GPR137B: variants seen among roughly 807,000 people sequenced by gnomAD.
GPR137B encodes G protein-coupled receptor 137B, also known as integral membrane protein GPR137B.
Under a neutral mutation model 42.5 loss-of-function variants are expected in GPR137B, and 42 were observed. That is an observed-to-expected ratio of 0.99 (90% CI 0.77 to 1.28). The LOEUF is 1.28. Among genes scored for constraint, GPR137B ranks in the 50% most tolerant of loss-of-function variants. The probability of loss-of-function intolerance (pLI) is 0.00; values close to 1 mark genes in which losing one functional copy is unlikely to be tolerated. For synonymous variants in GPR137B, 218 were observed against 209.7 expected (o/e 1.04, Z -0.34); for missense variants, 487 against 493.9 (o/e 0.99, Z 0.13).
At chr1:236,196,370 C>G (rs1420059539) in intron 5 of GPR137B, among the ~76,000 whole-genome samples, 1 of 152,122 alleles carries the variant, frequency 6.6e-6, no homozygotes, top group African/African-American at 2.4e-5. Flanking sequence ...GAACTCCTGA[C>G]CTCAAGTCAT....
rs191535602 is a variant in GPR137B at position 236,207,209 on chromosome 1, T to C, written c.1092-841T>C. 1.4e-3 allele frequency: 1,361 copies of C among 985,070 alleles called. 3 individuals are homozygous for C. The highest frequency in any genetic ancestry group is 1.3e-3 in the Non-Finnish European group (1,064 of 829,686). 61.0% of individuals were successfully genotyped at this position (985,070 alleles called of 1,614,324 possible). ...GGGGAGCAGAGAAATCCTGGTCAGATAGGATAAAAGATTGTCGCTGAGAAA... is the reference window on the plus strand; with the variant it reads ...GGGGAGCAGAGAAATCCTGGTCAGACAGGATAAAAGATTGTCGCTGAGAAA... On this transcript the variant is annotated intron_variant, in intron 6 of 6. Coordinates refer to ENST00000366592, the MANE Select transcript of GPR137B (RefSeq NM_003272.4).
At chr1:236,178,829 ACT>A (rs1303381712) in intron 3 of GPR137B, among the ~76,000 whole-genome samples, 193 bp downstream of exon 3, 2 of 44,784 alleles carry the variant, frequency 4.5e-5, no homozygotes, top group African/African-American at 5.6e-5. Context: ...ACGGAGTCTC[ACT>A]CTGTCTCCCA....
At position 236,171,389 on chromosome 1, in the gene GPR137B, G is replaced by A. The variant is rs1345808667; in HGVS notation, c.464+2634G>A. Among the ~76,000 whole-genome samples, 1 of 152,198 alleles carries A rather than the reference G, an allele frequency of 6.6e-6. No homozygotes were observed. Among genetic ancestry groups the A allele is most frequent in the African/African-American group, 2.4e-5 (1 of 41,446 alleles). The stretch of plus-strand genomic sequence containing the variant: ...GCCCTGCATCCCCCCAGCCAGAAAT[G>A]TAGGTCAAAGCATGAGTGAAGATGG... On this transcript the variant is annotated intron_variant, in intron 2 of 6. Transcript: ENST00000366592. This position sits in a 1 kb window ranked among gnomAD's most constrained non-coding sequence, Gnocchi z 4.4.
At chr1:236,194,930 A>G (rs148986764) in intron 5 of GPR137B, among the ~76,000 whole-genome samples, 2 of 152,306 alleles carry the variant, frequency 1.3e-5, no homozygotes, top group East Asian at 1.9e-4. Context: ...AAATTGAACT[A>G]TCTACTTTAT....
intron 3 of GPR137B, 88 bp downstream of exon 3, chr1:236,178,724 T>TAG: frequency 2.4e-6 from 2 of 836,186 alleles, no homozygotes; most frequent in Non-Finnish European, 4.0e-6. Context: ...TGATGAATTT[T>TAG]AGACTTGATT....
chr1:236,178,820 C>T (rs544026641), intron 3 of GPR137B, among the ~76,000 whole-genome samples, 184 bp downstream of exon 3: 143 of 7,040 alleles, frequency 0.02, 2 homozygotes, highest in African/African-American at 0.023. Context: ...TTTTTTGAGA[C>T]GGAGTCTCAC....
At chr1:236,192,605 C>A (rs12090028) in intron 5 of GPR137B, among the ~76,000 whole-genome samples, 1 of 152,174 alleles carries the variant, frequency 6.6e-6, no homozygotes, top group South Asian at 2.1e-4. Flanking sequence ...AATTCCCTGA[C>A]TCCTTGCACT....
intron 1 of GPR137B, among the ~76,000 whole-genome samples, chr1:236,161,498 C>CGCCTCCCACTCACATCTCCTCAT (rs1558482088): frequency 6.6e-6 from 1 of 151,072 alleles, no homozygotes; most frequent in African/African-American, 2.5e-5. Context: ...CACCTCCTCA[C>CGCCTCCCACTCACATCTCCTCAT]GCCTCCCACT....
chr1:236,168,844 G>A (rs915640609), intron 2 of GPR137B, 89 bp downstream of exon 2: 1 of 978,500 alleles, frequency 1.0e-6, no homozygotes. Flanking sequence ...TGCACACATC[G>A]CTGTTCTGTG....
intron 1 of GPR137B, among the ~76,000 whole-genome samples, chr1:236,152,228 G>A (rs1460282291): frequency 6.6e-6 from 1 of 151,980 alleles, no homozygotes; most frequent in Non-Finnish European, 1.5e-5. Context: ...TTGGGAGGAC[G>A]AGGCAGGAGG....
At chr1:236,158,399 A>G (rs1050999086) in intron 1 of GPR137B, among the ~76,000 whole-genome samples, 1 of 152,210 alleles carries the variant, frequency 6.6e-6, no homozygotes, top group African/African-American at 2.4e-5. Context: ...GCTCCAGCCT[A>G]GGCAACAAAA....
intron 3 of GPR137B, among the ~76,000 whole-genome samples, chr1:236,179,315 G>A (rs1056553141): frequency 1.3e-5 from 2 of 152,152 alleles, no homozygotes; most frequent in Non-Finnish European, 2.9e-5. Flanking sequence ...TTTGAGCCAG[G>A]GGTCTTTTAA....
intron 5 of GPR137B, among the ~76,000 whole-genome samples, chr1:236,186,247 A>AAT (rs1558491363): frequency 2.2e-3 from 74 of 34,164 alleles, no homozygotes; most frequent in Non-Finnish European, 3.5e-3. Context: ...TAATATAAAT[A>AAT]ATATATAATA....
chr1:236,177,886 G>A (rs554721180), intron 2 of GPR137B, among the ~76,000 whole-genome samples: 12 of 151,684 alleles, frequency 7.9e-5, no homozygotes, highest in Admixed American at 3.3e-4. Flanking sequence ...ATAAGTGAGC[G>A]CTCTCTGGAC....
intron 1 of GPR137B, among the ~76,000 whole-genome samples, chr1:236,145,846 G>T (rs1661667350): frequency 6.6e-6 from 1 of 152,178 alleles, no homozygotes; most frequent in African/African-American, 2.4e-5. Flanking sequence ...GTCTGAGTGT[G>T]AGGTTTGTCT....
chr1:236,149,753 C>T (rs1661790126), intron 1 of GPR137B, among the ~76,000 whole-genome samples: 2 of 152,262 alleles, frequency 1.3e-5, no homozygotes, highest in African/African-American at 4.8e-5. Context: ...CCTCTGGGCC[C>T]TGCGCCCATG....
intron 5 of GPR137B, among the ~76,000 whole-genome samples, chr1:236,185,624 C>T (rs1017612037): frequency 1.3e-5 from 2 of 152,220 alleles, no homozygotes; most frequent in Non-Finnish European, 2.9e-5. Flanking sequence ...GGCACGATCA[C>T]AGCTCACCTC....
chr1:236,180,508 C>T (rs1025215557), intron 4 of GPR137B, among the ~76,000 whole-genome samples: 1 of 152,142 alleles, frequency 6.6e-6, no homozygotes, highest in Non-Finnish European at 1.5e-5. Context: ...GATCACAGCA[C>T]CTGCCTTGTT....
intron 1 of GPR137B, among the ~76,000 whole-genome samples, chr1:236,144,772 C>T (rs1473127606): frequency 6.6e-6 from 1 of 152,246 alleles, no homozygotes; most frequent in Non-Finnish European, 1.5e-5. Flanking sequence ...ACCCTAAGAA[C>T]TGTGACAATG....
Sources: allele counts gnomAD v4.1 joint callset (sites outside exome capture counted in the v4.1 genomes callset), GRCh38; gene constraint gnomAD v4.1.1; non-coding constraint Gnocchi (gnomAD v3.1); transcripts MANE v1.5; gene names NCBI Gene and HGNC (gene_info 2026-07-23, HGNC 2026-07-21).